Variants in SEC63 observed in about 807,000 individuals in gnomAD.
SEC63 encodes the protein SEC63 protein translocation regulator.
A neutral mutation model predicts 116.2 loss-of-function variants in SEC63; 56 were observed. That is an observed-to-expected ratio of 0.48 (90% CI 0.39 to 0.60). The LOEUF is 0.60. SEC63 is among the 20% of genes least tolerant of loss of function. The pLI, the probability that SEC63 is intolerant of heterozygous loss-of-function variation, is 0.00. For synonymous variants in SEC63, 273 were observed against 294.6 expected (o/e 0.93, Z 0.75); for missense variants, 668 against 900.0 (o/e 0.74, Z 3.30).
intron 1 of SEC63, among the ~76,000 whole-genome samples, chr6:107,930,425 T>A (rs1470979667): frequency 6.7e-6 from 1 of 149,258 alleles, no homozygotes; most frequent in East Asian, 2.0e-4. Context: ...AGCCTCAACA[T>A]GGAGAAACCC....
intron 1 of SEC63, 50 bp downstream of exon 1, chr6:107,957,836 G>T: frequency 1.3e-6 from 2 of 1,547,540 alleles, no homozygotes; most frequent in Admixed American, 3.8e-5. Context: ...GGGCCTGGGG[G>T]CGCTGGCGGG....
intron 1 of SEC63, among the ~76,000 whole-genome samples, chr6:107,950,551 T>A (rs186721111): frequency 6.6e-6 from 1 of 152,178 alleles, no homozygotes; most frequent in Non-Finnish European, 1.5e-5. Flanking sequence ...AAGACAGATA[T>A]CATACAAAGT....
chr6:107,879,669 A>C (rs1786365812), intron 18 of SEC63, among the ~76,000 whole-genome samples: 1 of 151,982 alleles, frequency 6.6e-6, no homozygotes, highest in African/African-American at 2.4e-5. Context: ...AATGTTTACC[A>C]TGCAGATGCA....
At chr6:107,955,589 C>G (rs1001590508) in intron 1 of SEC63, among the ~76,000 whole-genome samples, 1 of 152,146 alleles carries the variant, frequency 6.6e-6, no homozygotes, top group African/African-American at 2.4e-5. Flanking sequence ...TGAAGGGGGT[C>G]AAGTATGACT....
rs553300853 is a variant in SEC63 at position 107,905,099 on chromosome 6, A to C, written c.962-378T>G. 2.0e-5 allele frequency among the ~76,000 whole-genome samples: 3 copies of C among 152,350 alleles called. No homozygotes were observed. The South Asian group carries it at 6.2e-4, about 32-fold the overall frequency. On this transcript the variant is annotated intron_variant, in intron 10 of 20. Transcript: ENST00000369002. ...CAGGGGGAGAGATAAGAGACGTAGA[A>C]GAGAAGAAGAGGGCAACTTACAGAA...
chr6:107,948,202 A>G (rs891142368), intron 1 of SEC63, among the ~76,000 whole-genome samples: 2 of 152,098 alleles, frequency 1.3e-5, no homozygotes, highest in African/African-American at 4.8e-5. Flanking sequence ...AGCACCTTCC[A>G]CTAGCCATTT....
At chr6:107,925,090 C>T (rs972327153) in intron 2 of SEC63, among the ~76,000 whole-genome samples, 158 bp from the exon 3 acceptor site, 8 of 152,188 alleles carry the variant, frequency 5.3e-5, no homozygotes, top group Non-Finnish European at 1.2e-4. Flanking sequence ...CCTGTTACAG[C>T]AACGACAGTG....
intron 4 of SEC63, among the ~76,000 whole-genome samples, chr6:107,913,913 TGAAA>T (rs1201565078): frequency 6.6e-6 from 1 of 152,208 alleles, no homozygotes; most frequent in Non-Finnish European, 1.5e-5. Flanking sequence ...CACCACATTC[TGAAA>T]GAAACAGATG....
intron 16 of SEC63, among the ~76,000 whole-genome samples, chr6:107,884,348 T>C (rs1786481216): frequency 1.3e-5 from 2 of 149,382 alleles, no homozygotes; most frequent in Admixed American, 1.3e-4. Context: ...ATTAAACCCC[T>C]AGGCAAGAAT....
intron 1 of SEC63, among the ~76,000 whole-genome samples, chr6:107,938,901 TA>T (rs1770313208): frequency 6.6e-6 from 1 of 152,216 alleles, no homozygotes; most frequent in Non-Finnish European, 1.5e-5. Context: ...ATATGCTTCT[TA>T]AAATTATTTT....
chr6:107,918,691 C>CA (rs56764439), intron 4 of SEC63, among the ~76,000 whole-genome samples: 4,468 of 111,468 alleles, frequency 0.04, 138 homozygotes, highest in African/African-American at 0.11. Context: ...GACTCCATCT[C>CA]AAAAAAAAAA....
intron 11 of SEC63, among the ~76,000 whole-genome samples, chr6:107,904,287 G>A (rs1189559997): frequency 8.6e-5 from 13 of 151,570 alleles, no homozygotes; most frequent in Non-Finnish European, 1.6e-4. Context: ...GTACGCGCCT[G>A]TAATCCCAGC....
At position 107,905,384 on chromosome 6, in the gene SEC63, G is replaced by A. The variant is rs776710828; in HGVS notation, c.962-663C>T. Reference sequence around the variant, plus strand: ...CCTGTCCTATCACCAATTACTAAGCGTCACATGGCCTTGTTTTCGGAAGCA... The same window carrying A: ...CCTGTCCTATCACCAATTACTAAGCATCACATGGCCTTGTTTTCGGAAGCA... On this transcript the variant is annotated intron_variant, in intron 10 of 20. Transcript: ENST00000369002. Among the ~76,000 whole-genome samples, 12 of 152,216 alleles carry A rather than the reference G, an allele frequency of 7.9e-5. No homozygotes were observed. The East Asian group carries it at 1.5e-3, about 20-fold the overall frequency.
chr6:107,917,887 T>G (rs1787448447), intron 4 of SEC63, among the ~76,000 whole-genome samples: 1 of 152,226 alleles, frequency 6.6e-6, no homozygotes, highest in African/African-American at 2.4e-5. Context: ...TGCAGCAAGT[T>G]ATCCAGAAGA....
At chr6:107,897,618 TA>T (rs771712134) in intron 14 of SEC63, 30 bp downstream of exon 14, 7 of 1,379,560 alleles carry the variant, frequency 5.1e-6, no homozygotes, top group Non-Finnish European at 6.2e-6. Flanking sequence ...ACACAACTCT[TA>T]AAGCATAAAA....
chr6:107,874,288 TG>T (rs936079757), intron 19 of SEC63, among the ~76,000 whole-genome samples: 1 of 151,850 alleles, frequency 6.6e-6, no homozygotes, highest in African/African-American at 2.4e-5. Flanking sequence ...GTCAGCGGCA[TG>T]CAAAGATTAA....
chr6:107,899,628 G>A (rs984188759), intron 13 of SEC63, among the ~76,000 whole-genome samples: 7 of 152,046 alleles, frequency 4.6e-5, no homozygotes, highest in Non-Finnish European at 7.4e-5. Flanking sequence ...GCTGAGGCAG[G>A]AGAATCACTT....
chr6:107,883,731 C>T (rs1435377368), intron 16 of SEC63, among the ~76,000 whole-genome samples: 3 of 150,986 alleles, frequency 2.0e-5, no homozygotes, highest in Admixed American at 6.6e-5. Context: ...CATTTGAGCC[C>T]AGGAGTTTAA....
intron 1 of SEC63, among the ~76,000 whole-genome samples, chr6:107,937,990 C>A (rs1304113393): frequency 6.6e-6 from 1 of 152,094 alleles, no homozygotes; most frequent in African/African-American, 2.4e-5. Context: ...TGTCTGTTTA[C>A]TCTGTTGATA....
Sources: gnomAD v4.1 joint callset for allele counts (sites outside exome capture counted in the v4.1 genomes callset) on GRCh38, gnomAD v4.1.1 for gene constraint, MANE v1.5 for transcripts, NCBI Gene and HGNC (gene_info 2026-07-23, HGNC 2026-07-21) for gene names.